Variants in PLCB1 observed in about 807,000 individuals in gnomAD.
The protein encoded by PLCB1 is 1-phosphatidylinositol 4,5-bisphosphate phosphodiesterase beta-1.
Under a neutral mutation model 161.8 loss-of-function variants are expected in PLCB1, and 46 were observed. The observed-to-expected ratio is 0.28, with a 90% CI of 0.22 to 0.36. PLCB1 has a LOEUF of 0.36. Ranked by LOEUF, PLCB1 falls within the 10% of genes least tolerant of loss-of-function variation. PLCB1 has a pLI of 1.00. For missense variants in PLCB1, 1,016 were observed against 1,472.5 expected, an observed-to-expected ratio of 0.69 and a Z score of 5.07; for synonymous variants, 517 against 503.7, an observed-to-expected ratio of 1.03 and a Z score of -0.35.
At chr20:8,823,177 C>G (rs1322398908) in intron 31 of PLCB1, among the ~76,000 whole-genome samples, 1 of 152,188 alleles carries the variant, frequency 6.6e-6, no homozygotes, top group Non-Finnish European at 1.5e-5. Flanking sequence ...GGCTGGAGTA[C>G]AGTGACGCAA....
chr20:8,860,549 C>G (rs1199892165), intron 31 of PLCB1, among the ~76,000 whole-genome samples: 1 of 152,158 alleles, frequency 6.6e-6, no homozygotes, highest in Admixed American at 6.5e-5. Context: ...CAAGACTCCC[C>G]AAACCAAATA....
intron 2 of PLCB1, among the ~76,000 whole-genome samples, chr20:8,368,192 T>G (rs1194477051): frequency 6.6e-6 from 1 of 152,146 alleles, no homozygotes; most frequent in Non-Finnish European, 1.5e-5. Context: ...AAGTTATGTT[T>G]AAGTCTATTG....
intron 12 of PLCB1, chr20:8,715,912 C>G (rs1979281956): frequency 4.5e-6 from 1 of 220,444 alleles, no homozygotes; most frequent in African/African-American, 2.3e-5. Context: ...GGTTCTTTCT[C>G]CAAGTGTCTT....
intron 3 of PLCB1, among the ~76,000 whole-genome samples, chr20:8,447,724 C>T (rs1334802399): frequency 6.6e-6 from 1 of 152,166 alleles, no homozygotes; most frequent in East Asian, 1.9e-4. Flanking sequence ...GGCTGATAAG[C>T]AATGTCCTTT....
chr20:8,651,512 G>C (rs1211495326), intron 7 of PLCB1: 1 of 718,040 alleles, frequency 1.4e-6, no homozygotes, highest in African/African-American at 1.7e-5. Flanking sequence ...TAAAATGCTT[G>C]AACCTGCTTG....
rs1172851988 is a variant in PLCB1, at chr20:8,267,856, T to TCA, written c.178-103524_178-103523dup. Among the ~76,000 whole-genome samples the TCA allele has an allele frequency of 1.4e-4, 22 of 152,018 alleles. No homozygotes were observed. The East Asian group carries it at 4.3e-3, about 30-fold the overall frequency. On this transcript the variant is annotated intron_variant, in intron 2 of 31. Coordinates refer to ENST00000338037, the MANE Select transcript of PLCB1 (RefSeq NM_015192.4). ...TTGATTGGCTCTAGGAGAGGACCAA[T>TCA]CACTGGCTGAAGCAGAGTTACAAAG...
chr20:8,328,802 G>A (rs1162520593), intron 2 of PLCB1, among the ~76,000 whole-genome samples: 1 of 152,090 alleles, frequency 6.6e-6, no homozygotes, highest in Non-Finnish European at 1.5e-5. Flanking sequence ...GGACTCCCTG[G>A]GGTGAGGATT....
intron 3 of PLCB1, among the ~76,000 whole-genome samples, chr20:8,436,946 C>T (rs1406854531): frequency 6.6e-6 from 1 of 152,132 alleles, no homozygotes; most frequent in Non-Finnish European, 1.5e-5. Flanking sequence ...TGTGCCACCA[C>T]ACCCAGCTAA....
chr20:8,628,426 G>A lies in PLCB1; in HGVS notation c.379G>A (p.Ala127Thr), dbSNP rs779377929. The change falls in exon 4 of 32, where the codon GCC becomes ACC. Residue 127 changes from alanine (A) to threonine (T), a missense_variant. Transcript: ENST00000338037. ...TCTCGTGGCTTTCCAAGAAGAAGTG[G>A]CCAAGGTATGGTGGATGGAAATTGC... is the stretch of plus-strand genomic sequence containing the variant. The part of the protein sequence containing the change: ...LNLVAFQEEV[A>T]KEWTNEVFSL... 1 of 1,614,014 alleles carries A rather than the reference G, an allele frequency of 6.2e-7. No homozygotes were observed.
At chr20:8,399,217 C>G (rs77385166) in intron 3 of PLCB1, among the ~76,000 whole-genome samples, 3 of 151,748 alleles carry the variant, frequency 2.0e-5, no homozygotes, top group Non-Finnish European at 4.4e-5. Flanking sequence ...TGTCCCAACA[C>G]TATTTTTTTC....
intron 3 of PLCB1, among the ~76,000 whole-genome samples, chr20:8,485,918 G>A (rs1357551734): frequency 1.3e-5 from 2 of 152,170 alleles, no homozygotes; most frequent in Non-Finnish European, 2.9e-5. Context: ...CTGAGACTAG[G>A]TAATTTATAA....
chr20:8,875,937 A>G (rs1371764436), intron 31 of PLCB1, among the ~76,000 whole-genome samples: 1 of 152,060 alleles, frequency 6.6e-6, no homozygotes, highest in Non-Finnish European at 1.5e-5. Context: ...TTCCTTAACT[A>G]TATCAAATCT....
intron 27 of PLCB1, among the ~76,000 whole-genome samples, chr20:8,775,758 T>A (rs929557791): frequency 6.6e-6 from 1 of 152,156 alleles, no homozygotes; most frequent in African/African-American, 2.4e-5. Context: ...TAGAAGAGAT[T>A]TTTAGGGTCT....
At chr20:8,304,831 A>C (rs1984063009) in intron 2 of PLCB1, among the ~76,000 whole-genome samples, 1 of 152,178 alleles carries the variant, frequency 6.6e-6, no homozygotes, top group Non-Finnish European at 1.5e-5. Flanking sequence ...TGAGGCACAG[A>C]GAGATTAAGA....
At chr20:8,665,451 TG>T (rs1237438819) in intron 9 of PLCB1, among the ~76,000 whole-genome samples, 1 of 152,236 alleles carries the variant, frequency 6.6e-6, no homozygotes, top group African/African-American at 2.4e-5. Context: ...GAGGCATTCC[TG>T]AACATTGCTG....
chr20:8,647,878 T>A lies in PLCB1; in HGVS notation c.465-22T>A, dbSNP rs545679105. The A allele has an allele frequency of 6.2e-6, 10 of 1,602,822 alleles. No individual in the cohort carries two copies. In the South Asian group the frequency reaches 9.9e-5, roughly 16 times the overall value. On this transcript the variant is annotated intron_variant, in intron 5 of 31. Coordinates refer to ENST00000338037, the MANE Select transcript of PLCB1 (RefSeq NM_015192.4). ...AGCTTTTTTAAAAAAATCAAACCCTTGTTTTTCTGCTTCTCCAACAGCTAT... is the reference window on the plus strand; with the variant it reads ...AGCTTTTTTAAAAAAATCAAACCCTAGTTTTTCTGCTTCTCCAACAGCTAT...
chr20:8,322,801 C>A (rs1984976833), intron 2 of PLCB1, among the ~76,000 whole-genome samples: 1 of 152,164 alleles, frequency 6.6e-6, no homozygotes, highest in Non-Finnish European at 1.5e-5. Context: ...TCAGAACTCT[C>A]CCTTGCTTGG....
chr20:8,790,532 G>T (rs557941320), intron 31 of PLCB1, among the ~76,000 whole-genome samples: 1 of 152,274 alleles, frequency 6.6e-6, no homozygotes, highest in South Asian at 2.1e-4. Flanking sequence ...TCAGACAAAG[G>T]TATTTTTATA....
intron 31 of PLCB1, among the ~76,000 whole-genome samples, chr20:8,871,898 G>A (rs1987622321): frequency 6.6e-6 from 1 of 152,098 alleles, no homozygotes. Context: ...GTATGATCTT[G>A]TTTAAACCTT....
Sources: allele counts gnomAD v4.1 joint callset (sites outside exome capture counted in the v4.1 genomes callset), GRCh38; gene constraint gnomAD v4.1.1; transcripts MANE v1.5; gene names NCBI Gene and HGNC (gene_info 2026-07-23, HGNC 2026-07-21).